Variants in SHISA9 observed in about 807,000 individuals in gnomAD.
The protein encoded by SHISA9 is protein shisa-9.
SHISA9 carries 13 observed loss-of-function variants against 38.0 expected under a neutral mutation model. The observed-to-expected ratio is 0.34, with a 90% CI of 0.22 to 0.54. The LOEUF (loss-of-function observed/expected upper bound fraction) is 0.54. Among genes scored for constraint, SHISA9 ranks in the 20% least tolerant of loss-of-function variants. SHISA9 has a pLI of 0.91. For missense variants in SHISA9, 538 were observed against 575.8 expected, an observed-to-expected ratio of 0.93 and a Z score of 0.67; for synonymous variants, 275 against 242.0, an observed-to-expected ratio of 1.14 and a Z score of -1.27.
intron 4 of SHISA9, among the ~76,000 whole-genome samples, chr16:13,217,727 A>G (rs1596741133): frequency 1.3e-5 from 2 of 152,320 alleles, no homozygotes; most frequent in African/African-American, 4.8e-5. Context: ...GGAATCTTTC[A>G]GAAGGAAATA....
chr16:13,339,421 T>C, the SHISA9 span, among the ~76,000 whole-genome samples: 1 of 152,198 alleles, frequency 6.6e-6, no homozygotes, highest in Non-Finnish European at 1.5e-5. Flanking sequence ...AATCAGGATT[T>C]CTTCAGTTAC....
chr16:13,472,377 A>ATTTTTTTTTTTTTTTTTTT, the SHISA9 span, among the ~76,000 whole-genome samples: 1 of 55,416 alleles, frequency 1.8e-5, no homozygotes, highest in African/African-American at 7.3e-5. Context: ...GCTCTGCTAA[A>ATTTTTTTTTTTTTTTTTTT]TTTTTTTTTT....
the SHISA9 span, among the ~76,000 whole-genome samples, chr16:13,380,346 G>A: frequency 2.0e-5 from 3 of 152,090 alleles, no homozygotes; most frequent in Non-Finnish European, 4.4e-5. Flanking sequence ...AAAAGAAGGG[G>A]GGAAAGAGAA....
At chr16:12,934,189 C>G (rs1443335430) in intron 2 of SHISA9, among the ~76,000 whole-genome samples, 1 of 152,130 alleles carries the variant, frequency 6.6e-6, no homozygotes, top group African/African-American at 2.4e-5. Context: ...AAATGCTATT[C>G]AGAAAAAGGA....
intron 2 of SHISA9, among the ~76,000 whole-genome samples, chr16:13,011,326 T>A (rs893142835): frequency 4.7e-5 from 7 of 150,416 alleles, no homozygotes; most frequent in Non-Finnish European, 8.9e-5. Flanking sequence ...CTCATTTTTT[T>A]TTTTTTTTTT....
chr16:13,500,013 T>G, the SHISA9 span, among the ~76,000 whole-genome samples: 1 of 152,026 alleles, frequency 6.6e-6, no homozygotes, highest in African/African-American at 2.4e-5. Context: ...TATAGCAGCG[T>G]GGTGTGATAG....
rs188433703 is a variant in SHISA9 at position 12,993,231 on chromosome 16, T to C, written c.691+76416T>C. Among the ~76,000 whole-genome samples the C allele has an allele frequency of 3.3e-5, 5 of 152,314 alleles. No individual in the cohort carries two copies. The East Asian group carries it at 7.7e-4, about 24-fold the overall frequency. ...TTGAAATAAGGGTTTGATTTTCTCC[T>C]TATTTTTGAGGCTGGGTTTGGTTGT... On this transcript the variant is annotated intron_variant, in intron 2 of 4. Transcript: ENST00000558583.
At chr16:13,162,617 T>A (rs2050604981) in intron 2 of SHISA9, among the ~76,000 whole-genome samples, 1 of 152,214 alleles carries the variant, frequency 6.6e-6, no homozygotes, top group East Asian at 1.9e-4. Context: ...GGGAAATAAG[T>A]AGCCCACCCC....
the SHISA9 span, among the ~76,000 whole-genome samples, chr16:13,477,271 C>T: frequency 1.3e-4 from 20 of 152,242 alleles, no homozygotes; most frequent in African/African-American, 4.8e-4. Flanking sequence ...GATAGAGGCA[C>T]AGGACATTGT....
Position 13,124,252 on chromosome 16 carries a change from A to G in SHISA9, c.692-79142A>G, listed in dbSNP as rs186818760. On this transcript the variant is annotated intron_variant, in intron 2 of 4. Coordinates refer to ENST00000558583, the MANE Select transcript of SHISA9 (RefSeq NM_001145204.3). The stretch of plus-strand genomic sequence containing the variant: ...ATTGCTCACACTATTTGAAGGTTCC[A>G]CTGTGTGTTGAAAATTGTCTAAATG... Among the ~76,000 whole-genome samples the G allele has an allele frequency of 6.0e-3, 911 of 152,338 alleles. 2 individuals carry two copies. Among genetic ancestry groups the G allele is most frequent in the Non-Finnish European group, 9.3e-3 (636 of 68,036 alleles).
chr16:13,137,250 T>C (rs1287805725), intron 2 of SHISA9, among the ~76,000 whole-genome samples: 1 of 152,098 alleles, frequency 6.6e-6, no homozygotes, highest in East Asian at 1.9e-4. Flanking sequence ...ATAGATGCTG[T>C]TGTGTGGGGA....
In SHISA9 at chr16:12,957,945, T is replaced by C. The variant is rs76713711; in HGVS notation, c.691+41130T>C. Among the ~76,000 whole-genome samples the C allele has an allele frequency of 9.6e-3, 1,461 of 152,328 alleles. 6 individuals carry two copies. Among genetic ancestry groups the C allele is most frequent in the East Asian group, 0.029 (148 of 5,176 alleles). ...CAAGGGGGCTCGACTTTCAAGACCT[T>C]ATTTAAGCCTAATGACCTCCCCAAG... On this transcript the variant is annotated intron_variant, in intron 2 of 4. Transcript: ENST00000558583.
intron 2 of SHISA9, among the ~76,000 whole-genome samples, chr16:13,029,045 T>G (rs1027576817): frequency 6.6e-6 from 1 of 152,216 alleles, no homozygotes; most frequent in Non-Finnish European, 1.5e-5. Flanking sequence ...TAGGTCCCAT[T>G]TCTCTCCTTT....
intron 2 of SHISA9, among the ~76,000 whole-genome samples, chr16:12,962,950 G>A (rs1358085440): frequency 6.6e-6 from 1 of 152,084 alleles, no homozygotes; most frequent in Non-Finnish European, 1.5e-5. Context: ...CCTTCCACTG[G>A]GGTGCTCAGG....
At chr16:12,997,450 A>T (rs1287996002) in intron 2 of SHISA9, among the ~76,000 whole-genome samples, 5 of 147,834 alleles carry the variant, frequency 3.4e-5, no homozygotes, top group Non-Finnish European at 7.4e-5. Flanking sequence ...TCTGTTGGCC[A>T]AGGTGGAGTG....
chr16:13,118,594 T>C (rs1208763346), intron 2 of SHISA9, among the ~76,000 whole-genome samples: 1 of 152,126 alleles, frequency 6.6e-6, no homozygotes, highest in Non-Finnish European at 1.5e-5. Context: ...TAAGTGAGTC[T>C]GGGGCAGGCC....
At chr16:13,436,755 ACAGT>A in the SHISA9 span, among the ~76,000 whole-genome samples, 3 of 149,410 alleles carry the variant, frequency 2.0e-5, no homozygotes. Flanking sequence ...ATAGTGACAC[ACAGT>A]CAGAGATGTT....
chr16:13,407,768 GT>G, the SHISA9 span, among the ~76,000 whole-genome samples: 1 of 152,080 alleles, frequency 6.6e-6, no homozygotes, highest in Non-Finnish European at 1.5e-5. Context: ...TGGAGGGGAG[GT>G]TTTCCTCCCT....
At chr16:13,281,364 T>A in the SHISA9 span, among the ~76,000 whole-genome samples, 4 of 151,802 alleles carry the variant, frequency 2.6e-5, no homozygotes, top group African/African-American at 9.7e-5. Context: ...GCATAGTATA[T>A]CTTTTTTCGA....
Sources: allele counts gnomAD v4.1 joint callset (sites outside exome capture counted in the v4.1 genomes callset), GRCh38; gene constraint gnomAD v4.1.1; transcripts MANE v1.5; gene names NCBI Gene and HGNC (gene_info 2026-07-23, HGNC 2026-07-21).